AP3B1: variants seen among roughly 807,000 people sequenced by gnomAD.
AP3B1 encodes the protein adaptor related protein complex 3 subunit beta 1, also known as AP-3 complex subunit beta-1.
In AP3B1, 61 loss-of-function variants were observed where a neutral mutation model predicts 132.5. The ratio of observed to expected loss-of-function variants is 0.46; its 90% CI spans 0.37 to 0.57. AP3B1 has a LOEUF of 0.57. AP3B1 is among the 20% of genes least tolerant of loss of function. The pLI is 0.00. For missense variants in AP3B1, 1,120 were observed against 1,289.4 expected, an observed-to-expected ratio of 0.87 and a Z score of 2.01; for synonymous variants, 388 against 438.3, an observed-to-expected ratio of 0.89 and a Z score of 1.43.
intron 1 of AP3B1, among the ~76,000 whole-genome samples, chr5:78,274,702 T>A (rs964085274): frequency 3.3e-5 from 5 of 152,112 alleles, no homozygotes; most frequent in African/African-American, 1.2e-4. Flanking sequence ...GAGGATTGCT[T>A]AAGGCCAGGA....
intron 22 of AP3B1, among the ~76,000 whole-genome samples, chr5:78,047,181 T>C (rs1330110564): frequency 1.3e-5 from 2 of 152,230 alleles, no homozygotes; most frequent in South Asian, 4.1e-4. Context: ...TATGTCTTTA[T>C]AGTAGAATGA....
At chr5:78,051,796 T>C (rs904308226) in intron 22 of AP3B1, among the ~76,000 whole-genome samples, 2 of 152,152 alleles carry the variant, frequency 1.3e-5, no homozygotes. Flanking sequence ...ATATAATTTA[T>C]AAAAATGACG....
intron 3 of AP3B1, among the ~76,000 whole-genome samples, chr5:78,238,104 G>A (rs1746959257): frequency 6.6e-6 from 1 of 152,180 alleles, no homozygotes; most frequent in South Asian, 2.1e-4. Context: ...TGTATTTACA[G>A]CTGCTCTTCA....
At chr5:78,251,064 C>T (rs549319537) in intron 2 of AP3B1, among the ~76,000 whole-genome samples, 1 of 152,178 alleles carries the variant, frequency 6.6e-6, no homozygotes, top group Non-Finnish European at 1.5e-5. Context: ...AAATAAATAG[C>T]AGACAAACAT....
Position 78,193,031 on chromosome 5 carries a change from C to A in AP3B1, c.787-11369G>T, listed in dbSNP as rs773462668. 2.0e-5 allele frequency among the ~76,000 whole-genome samples: 3 copies of A among 152,262 alleles called. No individual in the cohort carries two copies. The South Asian group carries it at 6.2e-4, about 32-fold the overall frequency. On this transcript the variant is annotated intron_variant, in intron 7 of 26. Transcript: ENST00000255194. The stretch of plus-strand genomic sequence containing the variant: ...TGTTCAAGGAATTAAGTGGTAGGAT[C>A]GAGCTTTACGGCAGATAATGCAACA...
At position 78,014,128 on chromosome 5, in the gene AP3B1, G is replaced by A. The variant is rs561879098; in HGVS notation, c.3131+1282C>T. ...CAGTGAGCCGAGATCGCGCCACTGC[G>A]CTCCAGCCTGGGTGACAGAGTAAGA... On this transcript the variant is annotated intron_variant, in intron 26 of 26. Transcript: ENST00000255194. Among the ~76,000 whole-genome samples, 17 of 151,920 alleles carry A rather than the reference G, an allele frequency of 1.1e-4. 1 individual carries two copies. In the East Asian group the frequency reaches 2.1e-3, roughly 19 times the overall value.
intron 7 of AP3B1, among the ~76,000 whole-genome samples, chr5:78,189,990 T>C (rs570322686): frequency 6.6e-6 from 1 of 150,460 alleles, no homozygotes; most frequent in East Asian, 1.9e-4. Flanking sequence ...TTCAAAAGAG[T>C]AATTTTCTTT....
At chr5:78,276,794 G>A (rs949407073) in intron 1 of AP3B1, among the ~76,000 whole-genome samples, 1 of 151,994 alleles carries the variant, frequency 6.6e-6, no homozygotes, top group Non-Finnish European at 1.5e-5. Context: ...ACTTGAGTCT[G>A]GGAAGCTGAG....
At chr5:78,050,958 T>C (rs1748553946) in intron 22 of AP3B1, among the ~76,000 whole-genome samples, 2 of 152,276 alleles carry the variant, frequency 1.3e-5, no homozygotes, top group South Asian at 2.1e-4. Flanking sequence ...GATAATCCTC[T>C]ACAAATCTTT....
chr5:78,104,953 T>C lies in AP3B1; in HGVS notation c.2398-3928A>G, dbSNP rs529494233. On this transcript the variant is annotated intron_variant, in intron 20 of 26. Transcript: ENST00000255194. ...CGTATATACAGTTGGTACTATTTTCTTCATAGCTAGTATGTACCTTAATCT... is the reference window on the plus strand; with the variant it reads ...CGTATATACAGTTGGTACTATTTTCCTCATAGCTAGTATGTACCTTAATCT... 2.6e-5 allele frequency among the ~76,000 whole-genome samples: 4 copies of C among 152,316 alleles called. No individual in the cohort carries two copies. In the South Asian group the frequency reaches 6.2e-4, roughly 24 times the overall value.
At chr5:78,122,752 G>A (rs1004343414) in intron 17 of AP3B1, among the ~76,000 whole-genome samples, 32 of 152,246 alleles carry the variant, frequency 2.1e-4, no homozygotes, top group African/African-American at 4.6e-4. Context: ...AATCAATACC[G>A]TGAAAATGGC....
chr5:78,111,282 T>TA (rs1751578935), intron 19 of AP3B1, among the ~76,000 whole-genome samples: 1 of 152,136 alleles, frequency 6.6e-6, no homozygotes, highest in Non-Finnish European at 1.5e-5. Context: ...TGATCATACC[T>TA]AAGTGCTTAA....
intron 2 of AP3B1, among the ~76,000 whole-genome samples, chr5:78,267,137 C>T (rs1440954367): frequency 6.6e-6 from 1 of 151,844 alleles, no homozygotes; most frequent in Non-Finnish European, 1.5e-5. Flanking sequence ...TGAAAGTATG[C>T]TCAGAACATT....
intron 7 of AP3B1, among the ~76,000 whole-genome samples, chr5:78,201,455 T>G (rs1745285645): frequency 6.6e-6 from 1 of 152,192 alleles, no homozygotes; most frequent in African/African-American, 2.4e-5. Context: ...AGACTATTAT[T>G]CAGCAAAATA....
At chr5:78,293,967 A>C (rs1749642194) in intron 1 of AP3B1, among the ~76,000 whole-genome samples, 1 of 152,112 alleles carries the variant, frequency 6.6e-6, no homozygotes. Flanking sequence ...TTGTCCATTC[A>C]AACAGCCTAA....
At chr5:78,106,724 GAAAT>G (rs1019626948) in intron 20 of AP3B1, among the ~76,000 whole-genome samples, 4 of 152,154 alleles carry the variant, frequency 2.6e-5, no homozygotes, top group African/African-American at 9.7e-5. Context: ...ACAGACATGA[GAAAT>G]AACGCACAGA....
intron 1 of AP3B1, among the ~76,000 whole-genome samples, chr5:78,290,327 T>G (rs914287362): frequency 6.6e-6 from 1 of 151,942 alleles, no homozygotes; most frequent in East Asian, 1.9e-4. Context: ...GTTCAAGCAA[T>G]CCTCCTGCCT....
chr5:78,057,912 A>G (rs1580293187), intron 22 of AP3B1, among the ~76,000 whole-genome samples: 2 of 152,294 alleles, frequency 1.3e-5, no homozygotes, highest in South Asian at 4.1e-4. Context: ...GTAACTAACA[A>G]AGTGCTAAGC....
intron 17 of AP3B1, 98 bp from the exon 18 acceptor site, chr5:78,116,332 A>C (rs1248366494): frequency 1.9e-6 from 2 of 1,036,660 alleles, no homozygotes; most frequent in Non-Finnish European, 2.9e-6. Flanking sequence ...ATTCAAAAGC[A>C]AGCTTAAGGC....
Sources: allele counts gnomAD v4.1 joint callset (sites outside exome capture counted in the v4.1 genomes callset), GRCh38; gene constraint gnomAD v4.1.1; transcripts MANE v1.5; gene names NCBI Gene and HGNC (gene_info 2026-07-23, HGNC 2026-07-21).